Variants in DMD observed in about 807,000 individuals in gnomAD.
DMD encodes the protein dystrophin.
DMD carries 63 observed loss-of-function variants against 330.1 expected under a neutral mutation model. The ratio of observed to expected loss-of-function variants is 0.19; its 90% CI spans 0.16 to 0.24. The LOEUF (loss-of-function observed/expected upper bound fraction) is 0.24, where lower values mean the gene tolerates loss of function less well. DMD is among the 10% of genes least tolerant of loss of function. The pLI is 1.00. For missense variants in DMD, 3,344 were observed against 2,684.1 expected (o/e 1.25, Z -5.43); for synonymous variants, 1,223 against 959.8 (o/e 1.27, Z -5.07).
At chrX:32,467,842 T>G (rs2040202999) in intron 23 of DMD, among the ~76,000 whole-genome samples, 1 of 110,005 alleles carries the variant, frequency 9.1e-6, no homozygotes, top group Non-Finnish European at 1.9e-5. Flanking sequence ...AATAAATTTG[T>G]GTTGTTTGAA....
intron 16 of DMD, among the ~76,000 whole-genome samples, chrX:32,549,737 G>A (rs1453537436): frequency 3.6e-5 from 4 of 111,305 alleles, no homozygotes; most frequent in Non-Finnish European, 7.5e-5. Context: ...TCCAGGGTGT[G>A]CCTCTTCTTG....
intron 62 of DMD, among the ~76,000 whole-genome samples, chrX:31,318,595 G>A (rs952363282): frequency 8.9e-6 from 1 of 112,074 alleles, no homozygotes; most frequent in East Asian, 2.8e-4. Context: ...GAAGAGAAGG[G>A]TCGATCAAGG....
At chrX:33,205,281 C>T (rs2051502539) in intron 1 of DMD, among the ~76,000 whole-genome samples, 1 of 112,482 alleles carries the variant, frequency 8.9e-6, no homozygotes, top group South Asian at 3.6e-4. Flanking sequence ...CACTTAGTCA[C>T]CAATTTATTT....
chrX:31,126,176 G>A (rs527453975), intron 78 of DMD, among the ~76,000 whole-genome samples: 2 of 111,928 alleles, frequency 1.8e-5, no homozygotes, highest in African/African-American at 6.5e-5. Flanking sequence ...GAGAAAGAGC[G>A]TAGGAACCAA....
At chrX:31,344,630 C>T (rs1331142216) in intron 61 of DMD, among the ~76,000 whole-genome samples, 3 of 110,801 alleles carry the variant, frequency 2.7e-5, no homozygotes, top group African/African-American at 6.6e-5. Flanking sequence ...GGGTGGATTA[C>T]TTGAGGCCAC....
chrX:32,925,157 T>G (rs1432763647), intron 2 of DMD, among the ~76,000 whole-genome samples: 3 of 95,564 alleles, frequency 3.1e-5, no homozygotes, highest in Non-Finnish European at 6.1e-5. Context: ...TTTTTTTTTT[T>G]TTTTTTTTTT....
At chrX:32,652,894 G>T (rs2060268563) in intron 9 of DMD, among the ~76,000 whole-genome samples, 1 of 111,902 alleles carries the variant, frequency 8.9e-6, no homozygotes, top group African/African-American at 3.2e-5. Context: ...GTTTTGATTT[G>T]CATTTCTCTG....
chrX:33,056,603 C>A (rs1423711365), intron 1 of DMD, among the ~76,000 whole-genome samples: 1 of 110,542 alleles, frequency 9.0e-6, no homozygotes, highest in Non-Finnish European at 1.9e-5. Context: ...CTCAGATGAT[C>A]CGTCTGCCTC....
chrX:31,472,421 C>T (rs1395424497), intron 59 of DMD, among the ~76,000 whole-genome samples: 2 of 111,966 alleles, frequency 1.8e-5, no homozygotes, highest in African/African-American at 6.5e-5. Flanking sequence ...AACTTTAGAA[C>T]CAAGGTTAAG....
At chrX:32,280,382 T>A (rs1194244910) in intron 43 of DMD, among the ~76,000 whole-genome samples, 1 of 109,664 alleles carries the variant, frequency 9.1e-6, no homozygotes, top group African/African-American at 3.3e-5. Context: ...TGAACAACTT[T>A]CTTAAGTTCA....
intron 50 of DMD, among the ~76,000 whole-genome samples, chrX:31,787,437 TA>T (rs1425690977): frequency 2.7e-5 from 3 of 112,367 alleles, no homozygotes; most frequent in Non-Finnish European, 5.6e-5. Flanking sequence ...TTGAATGCTC[TA>T]AAAAATGACA....
intron 7 of DMD, among the ~76,000 whole-genome samples, chrX:32,734,457 A>G (rs1392809505): frequency 6.5e-5 from 7 of 107,527 alleles, no homozygotes; most frequent in Non-Finnish European, 1.3e-4. Context: ...CAGAGACACA[A>G]CCAAAAAAGA....
intron 2 of DMD, among the ~76,000 whole-genome samples, chrX:32,892,190 C>A (rs1412635987): frequency 8.9e-6 from 1 of 111,955 alleles, no homozygotes; most frequent in Non-Finnish European, 1.9e-5. Flanking sequence ...CAACCCCTTA[C>A]AACTGTTACA....
At chrX:33,094,010 A>T (rs1380690571) in intron 1 of DMD, among the ~76,000 whole-genome samples, 1 of 111,480 alleles carries the variant, frequency 9.0e-6, no homozygotes, top group Non-Finnish European at 1.9e-5. Context: ...ACCTTAAAAG[A>T]AATGTTCGCA....
At chrX:32,252,060 G>A (rs767805642) in intron 43 of DMD, among the ~76,000 whole-genome samples, 5 of 111,623 alleles carry the variant, frequency 4.5e-5, no homozygotes, top group East Asian at 2.8e-4. Context: ...ATGGTTTTCC[G>A]TTGCACTTAG....
intron 47 of DMD, among the ~76,000 whole-genome samples, chrX:31,891,037 A>G (rs1257413692): frequency 4.5e-5 from 5 of 112,039 alleles, no homozygotes; most frequent in Admixed American, 1.9e-4. Context: ...TATCCACTCA[A>G]TGAAACATGG....
chrX:33,187,416 T>C (rs1251548227), intron 1 of DMD, among the ~76,000 whole-genome samples: 1 of 112,780 alleles, frequency 8.9e-6, no homozygotes, highest in East Asian at 2.8e-4. Flanking sequence ...AGAATAACTT[T>C]TGTTCTAGAG....
intron 60 of DMD, among the ~76,000 whole-genome samples, chrX:31,371,669 A>G (rs1212852787): frequency 8.9e-6 from 1 of 111,749 alleles, no homozygotes; most frequent in Non-Finnish European, 1.9e-5. Context: ...AGCAAATAGC[A>G]GGAAAAACTG....
intron 7 of DMD, among the ~76,000 whole-genome samples, chrX:32,785,713 CTT>C (rs961108798): frequency 1.8e-5 from 2 of 111,046 alleles, no homozygotes; most frequent in African/African-American, 6.5e-5. Flanking sequence ...TATTTTTTAA[CTT>C]TTTTCGTATT....
Sources: gnomAD v4.1 joint callset for allele counts (sites outside exome capture counted in the v4.1 genomes callset) on GRCh38, gnomAD v4.1.1 for gene constraint, MANE v1.5 for transcripts, NCBI Gene and HGNC (gene_info 2026-07-23, HGNC 2026-07-21) for gene names.